PRIM2: variants seen among roughly 807,000 people sequenced by gnomAD.
PRIM2 encodes DNA primase large subunit.
Under a neutral mutation model 67.3 loss-of-function variants are expected in PRIM2, and 39 were observed. That is an observed-to-expected ratio of 0.58 (90% CI 0.45 to 0.76). PRIM2 has a LOEUF of 0.76. Among genes scored for constraint, PRIM2 ranks in the 30% least tolerant of loss-of-function variants. The pLI is 0.00. For missense variants in PRIM2, 398 were observed against 598.7 expected, an observed-to-expected ratio of 0.66 and a Z score of 3.50; for synonymous variants, 143 against 198.7, an observed-to-expected ratio of 0.72 and a Z score of 2.36.
chr6:57,332,861 C>T (rs1768099126), intron 5 of PRIM2, among the ~76,000 whole-genome samples: 1 of 151,624 alleles, frequency 6.6e-6, no homozygotes, highest in African/African-American at 2.4e-5. Context: ...TTGTTTTATC[C>T]ATTTATGTTT....
In PRIM2 at chr6:57,457,136, C is replaced by G. The variant is rs113383743; in HGVS notation, c.694-50251C>G. 2.5e-5 allele frequency among the ~76,000 whole-genome samples: 3 copies of G among 121,972 alleles called. No individual in the cohort carries two copies. In the South Asian group the frequency reaches 7.7e-4, roughly 31 times the overall value. The allele number at this position is 121,972 out of a possible 152,430, so 80.0% of individuals were successfully genotyped here. ...TGAGCAGCAAATGTTCCTGCCTGAT[C>G]GTTCCTCTGGAAGTTTTGTCTCAGA... On this transcript the variant is annotated intron_variant, in intron 7 of 13. Coordinates refer to ENST00000615550, the MANE Select transcript of PRIM2 (RefSeq NM_000947.5).
intron 6 of PRIM2, 123 bp downstream of exon 6, chr6:57,380,119 A>G: frequency 2.7e-6 from 2 of 736,638 alleles, no homozygotes; most frequent in Non-Finnish European, 4.3e-6. Flanking sequence ...TCTCCTGCAC[A>G]GATACTGTCC....
chr6:57,326,893 CT>C (rs70989764), intron 5 of PRIM2, among the ~76,000 whole-genome samples: 131 of 131,488 alleles, frequency 1.0e-3, no homozygotes, highest in Non-Finnish European at 1.2e-3. Flanking sequence ...GAATTTGTAT[CT>C]TTTTTTTTTT....
intron 7 of PRIM2, among the ~76,000 whole-genome samples, chr6:57,405,114 A>G (rs1241954767): frequency 6.6e-6 from 1 of 151,636 alleles, no homozygotes; most frequent in Non-Finnish European, 1.5e-5. Context: ...GTATCAGCAG[A>G]TTCAGTTGCT....
At chr6:57,584,683 T>C (rs1202354000) in intron 10 of PRIM2, among the ~76,000 whole-genome samples, 1 of 152,162 alleles carries the variant, frequency 6.6e-6, no homozygotes, top group Non-Finnish European at 1.5e-5. Context: ...ATTTTTACAA[T>C]TTTTAACACC....
chr6:57,409,361 G>A (rs1486118281), intron 7 of PRIM2, among the ~76,000 whole-genome samples: 6 of 152,014 alleles, frequency 3.9e-5, no homozygotes, highest in Non-Finnish European at 8.8e-5. Flanking sequence ...ATTTTTAGTA[G>A]AGGCAGGGTT....
chr6:57,480,974 A>G lies in PRIM2; in HGVS notation c.694-26413A>G, dbSNP rs1215736229. ...AAGAATATTATATAAGTGGAATTAT[A>G]TAACTTTTAACTTTTTAAAAAATTT... On this transcript the variant is annotated intron_variant, in intron 7 of 13. Coordinates refer to ENST00000615550, the MANE Select transcript of PRIM2 (RefSeq NM_000947.5). 2.6e-4 allele frequency among the ~76,000 whole-genome samples: 40 copies of G among 152,330 alleles called. No homozygotes were observed. In the East Asian group the frequency reaches 6.0e-3, roughly 23 times the overall value.
intron 10 of PRIM2, among the ~76,000 whole-genome samples, chr6:57,571,170 G>T (rs1208946340): frequency 1.3e-5 from 2 of 152,198 alleles, no homozygotes; most frequent in Non-Finnish European, 2.9e-5. Flanking sequence ...TCTGTCAAAA[G>T]ATTTTGCATA....
At chr6:57,309,866 T>C (rs1767349750), upstream of PRIM2, among the ~76,000 whole-genome samples, 1 of 152,192 alleles carries the variant, frequency 6.6e-6, no homozygotes, top group Non-Finnish European at 1.5e-5. Flanking sequence ...TTCTAACTGG[T>C]GTGAGATGGT....
intron 7 of PRIM2, among the ~76,000 whole-genome samples, chr6:57,453,958 C>T (rs1229869355): frequency 6.6e-6 from 1 of 152,110 alleles, no homozygotes; most frequent in African/African-American, 2.4e-5. Context: ...TGAGATACAT[C>T]CCATCAGTAC....
intron 7 of PRIM2, chr6:57,493,962 A>G (rs1254619009): frequency 3.9e-5 from 6 of 152,212 alleles, no homozygotes; most frequent in African/African-American, 1.2e-4. Flanking sequence ...ATTGTGCCAG[A>G]AAGTATGAAA....
At chr6:57,451,346 G>C (rs867731949) in intron 7 of PRIM2, among the ~76,000 whole-genome samples, 1 of 151,946 alleles carries the variant, frequency 6.6e-6, no homozygotes, top group East Asian at 1.9e-4. Context: ...TCACTGTGTT[G>C]GCCAGGCTGG....
At chr6:57,563,219 C>G (rs1320606134) in intron 10 of PRIM2, among the ~76,000 whole-genome samples, 34 of 151,660 alleles carry the variant, frequency 2.2e-4, no homozygotes, top group South Asian at 1.5e-3. Flanking sequence ...CCTACATATC[C>G]TAAATATGTT....
chr6:57,332,419 C>T (rs999507722), intron 5 of PRIM2, among the ~76,000 whole-genome samples: 4 of 152,082 alleles, frequency 2.6e-5, no homozygotes, highest in Admixed American at 2.0e-4. Flanking sequence ...GCTTCGGTTT[C>T]CTTGTTCATC....
intron 7 of PRIM2, among the ~76,000 whole-genome samples, chr6:57,458,130 C>T (rs1228151722): frequency 2.6e-5 from 4 of 152,040 alleles, no homozygotes; most frequent in African/African-American, 7.3e-5. Flanking sequence ...TAGAAATGAC[C>T]CACATTATTA....
chr6:57,458,326 A>G (rs1488872393), intron 7 of PRIM2, among the ~76,000 whole-genome samples: 1 of 152,326 alleles, frequency 6.6e-6, no homozygotes, highest in East Asian at 1.9e-4. Flanking sequence ...AAAGCAAGTT[A>G]TCTGGCTACA....
chr6:57,354,896 C>G (rs1229178302), intron 5 of PRIM2, among the ~76,000 whole-genome samples: 2 of 152,154 alleles, frequency 1.3e-5, no homozygotes, highest in Non-Finnish European at 2.9e-5. Flanking sequence ...CTTTGTTGGT[C>G]CTTTGGGTCT....
chr6:57,320,421 A>G (rs1236429399), intron 2 of PRIM2, 36 bp from the exon 3 acceptor site: 3 of 1,406,630 alleles, frequency 2.1e-6, no homozygotes, highest in African/African-American at 2.9e-5. Flanking sequence ...GTTTTAAAAC[A>G]TTATCTTGCA....
intron 2 of PRIM2, 94 bp downstream of exon 2, chr6:57,318,693 C>A (rs1767556369): frequency 1.0e-6 from 1 of 984,758 alleles, no homozygotes; most frequent in East Asian, 2.6e-5. Context: ...CTTCATTCAG[C>A]AATCCATTCA....
Sources: allele counts gnomAD v4.1 joint callset (sites outside exome capture counted in the v4.1 genomes callset), GRCh38; gene constraint gnomAD v4.1.1; transcripts MANE v1.5; gene names NCBI Gene and HGNC (gene_info 2026-07-23, HGNC 2026-07-21).